TACC2: variants seen among roughly 807,000 people sequenced by gnomAD.
TACC2 encodes the protein transforming acidic coiled-coil containing protein 2, also known as transforming acidic coiled-coil-containing protein 2.
Under a neutral mutation model 227.3 loss-of-function variants are expected in TACC2, and 137 were observed. That is an observed-to-expected ratio of 0.60 (90% CI 0.52 to 0.69). TACC2 has a LOEUF of 0.69. Ranked by LOEUF, TACC2 falls within the 30% of genes least tolerant of loss-of-function variation. The pLI is 0.00. For synonymous variants in TACC2, 1,523 were observed against 1,487.5 expected (o/e 1.02, Z -0.55); for missense variants, 3,470 against 3,694.4 (o/e 0.94, Z 1.57).
chr10:122,014,630 C>T (rs1345586963), intron 1 of TACC2, among the ~76,000 whole-genome samples: 1 of 152,212 alleles, frequency 6.6e-6, no homozygotes, highest in Non-Finnish European at 1.5e-5. Flanking sequence ...ATGTCTTCCA[C>T]CTGCTCTGCC....
intron 5 of TACC2, among the ~76,000 whole-genome samples, chr10:122,109,170 T>C (rs1346764959): frequency 6.6e-6 from 1 of 152,242 alleles, no homozygotes; most frequent in South Asian, 2.1e-4. Context: ...TCTGGGTAGA[T>C]AGCCAGGAGT....
At chr10:122,159,079 G>T (rs933269273) in intron 7 of TACC2, among the ~76,000 whole-genome samples, 5 of 152,208 alleles carry the variant, frequency 3.3e-5, no homozygotes, top group Non-Finnish European at 7.3e-5. Context: ...GGGGCTGGCA[G>T]GGAGCAGACC....
At chr10:122,042,006 C>T (rs561662089) in intron 2 of TACC2, among the ~76,000 whole-genome samples, 112 of 152,266 alleles carry the variant, frequency 7.4e-4, no homozygotes, top group African/African-American at 2.6e-3. Flanking sequence ...AGTGCAGTGG[C>T]GCGATCTCGG....
intron 8 of TACC2, among the ~76,000 whole-genome samples, chr10:122,204,189 G>T (rs1185870053): frequency 7.2e-6 from 1 of 139,794 alleles, no homozygotes; most frequent in African/African-American, 2.8e-5. Flanking sequence ...GGGAGAGGGG[G>T]AGGGGGAGGG....
intron 3 of TACC2, among the ~76,000 whole-genome samples, chr10:122,065,322 T>C (rs1200421129): frequency 6.6e-6 from 1 of 152,238 alleles, no homozygotes; most frequent in Non-Finnish European, 1.5e-5. Flanking sequence ...CAAATTTTGA[T>C]ATTTCTGTTT....
At chr10:122,126,554 C>A (rs1425184223) in intron 5 of TACC2, among the ~76,000 whole-genome samples, 1 of 152,134 alleles carries the variant, frequency 6.6e-6, no homozygotes, top group Non-Finnish European at 1.5e-5. Flanking sequence ...CAACCACCTT[C>A]TGTATATGCA....
At chr10:122,088,443 A>C in intron 4 of TACC2, 35 bp from the exon 5 acceptor site, 1 of 1,571,482 alleles carries the variant, frequency 6.4e-7, no homozygotes, top group Non-Finnish European at 8.7e-7. Flanking sequence ...TACTATCTAC[A>C]TTATCCTATT....
intron 7 of TACC2, among the ~76,000 whole-genome samples, chr10:122,147,421 A>G (rs1040403163): frequency 1.3e-5 from 2 of 152,212 alleles, no homozygotes; most frequent in Non-Finnish European, 2.9e-5. Flanking sequence ...CTGGGATTAC[A>G]GGCATGAGCC....
intron 16 of TACC2, 126 bp from the exon 17 acceptor site, chr10:122,237,269 T>C: frequency 1.1e-6 from 1 of 940,574 alleles, no homozygotes. Context: ...TTGCACTTTC[T>C]CATACTTTTG....
chr10:122,025,179 G>A (rs1444656143), intron 2 of TACC2, among the ~76,000 whole-genome samples: 1 of 152,192 alleles, frequency 6.6e-6, no homozygotes, highest in Non-Finnish European at 1.5e-5. Flanking sequence ...CACATTTCAT[G>A]TGCTTATCTG....
intron 8 of TACC2, among the ~76,000 whole-genome samples, chr10:122,204,152 G>C (rs2095016086): frequency 7.0e-6 from 1 of 143,178 alleles, no homozygotes; most frequent in African/African-American, 2.7e-5. Flanking sequence ...ACCTTGGAAA[G>C]AGAGGGAGAG....
At chr10:122,047,288 CAAAAAAAAAAAAAA>C (rs371181114) in intron 2 of TACC2, among the ~76,000 whole-genome samples, 2 of 60,868 alleles carry the variant, frequency 3.3e-5, no homozygotes, top group Non-Finnish European at 5.7e-5. Flanking sequence ...GACTCCGTCT[CAAAAAAAAAAAAAA>C]AAAAAAAAAA....
intron 3 of TACC2, among the ~76,000 whole-genome samples, chr10:122,055,369 A>C (rs1233350864): frequency 1.3e-5 from 2 of 152,214 alleles, no homozygotes; most frequent in African/African-American, 4.8e-5. Context: ...AAAATGGCAG[A>C]TATGCAGCCA....
chr10:122,216,270 T>G (rs2095404378), intron 10 of TACC2, among the ~76,000 whole-genome samples: 1 of 152,144 alleles, frequency 6.6e-6, no homozygotes, highest in Admixed American at 6.5e-5. Flanking sequence ...GCTTGTCAGG[T>G]GATTCTGGTG....
chr10:122,207,119 T>C (rs968178358), intron 8 of TACC2, among the ~76,000 whole-genome samples: 1 of 151,802 alleles, frequency 6.6e-6, no homozygotes, highest in Admixed American at 6.6e-5. Context: ...GCCAACATAA[T>C]GAAACCCCAT....
rs766573375 is a variant in TACC2, at chr10:122,211,318, C to T, written c.6893C>T (p.Pro2298Leu). 2 of 1,614,028 alleles carry T rather than the reference C, an allele frequency of 1.2e-6. No individual in the cohort carries two copies. Among genetic ancestry groups the T allele is most frequent in the Non-Finnish European group, 1.7e-6 (2 of 1,180,014 alleles). Reference protein sequence around the residue: ...KIGKKPVAKMPLRRPKMKKTP... With the variant: ...KIGKKPVAKMLLRRPKMKKTP... Reference sequence around the variant, plus strand: ...GGCAAAAAGCCAGTTGCCAAAATGCCCCTGAGGAGGCCAAAGATGAAAAAG... The same window carrying T: ...GGCAAAAAGCCAGTTGCCAAAATGCTCCTGAGGAGGCCAAAGATGAAAAAG... Residue 2298 changes from proline (P) to leucine (L), a missense_variant, in exon 9 of 23, where the codon CCC becomes CTC. By Grantham distance (98) the Pro-to-Leu change is moderately conservative. This residue lies in a region of TACC2 where 593 missense variants were observed against 636.6 expected (regional missense o/e 0.93). Transcript: ENST00000369005.
intron 1 of TACC2, among the ~76,000 whole-genome samples, chr10:121,993,871 T>G (rs947529912): frequency 6.6e-6 from 1 of 152,156 alleles, no homozygotes; most frequent in African/African-American, 2.4e-5. Context: ...TGAGCTCAAG[T>G]GATTTGCCCT....
intron 5 of TACC2, among the ~76,000 whole-genome samples, chr10:122,095,200 C>T (rs1475649557): frequency 6.6e-6 from 1 of 152,150 alleles, no homozygotes; most frequent in African/African-American, 2.4e-5. Context: ...CTTCCTTTCA[C>T]CAATGCCAGC....
intron 5 of TACC2, among the ~76,000 whole-genome samples, chr10:122,115,955 A>G (rs113489977): frequency 0.011 from 1,697 of 152,180 alleles, 30 homozygotes; most frequent in African/African-American, 0.039. Flanking sequence ...GGGTGCCCTC[A>G]TTTATCCCCT....
Sources: gnomAD v4.1 joint callset for allele counts (sites outside exome capture counted in the v4.1 genomes callset) on GRCh38, gnomAD v4.1.1 for gene constraint, gnomAD v4.1.1 regional missense constraint, MANE v1.5 for transcripts, NCBI Gene and HGNC (gene_info 2026-07-23, HGNC 2026-07-21) for gene names.